The following HS3ST4 variants were observed in gnomAD, a reference collection of about 807,000 sequenced individuals.
The protein encoded by HS3ST4 is heparan sulfate glucosamine 3-O-sulfotransferase 4.
HS3ST4 carries 17 observed loss-of-function variants against 29.2 expected under a neutral mutation model. The ratio of observed to expected loss-of-function variants is 0.58; its 90% confidence interval spans 0.40 to 0.87. The LOEUF (loss-of-function observed/expected upper bound fraction) is 0.87. Among genes scored for constraint, HS3ST4 ranks in the 40% least tolerant of loss-of-function variants. The pLI, the probability that HS3ST4 is intolerant of heterozygous loss-of-function variation, is 0.00. For missense variants in HS3ST4, 627 were observed against 634.5 expected (o/e 0.99, Z 0.13); for synonymous variants, 314 against 285.7 (o/e 1.10, Z -1.00).
At chr16:25,903,367 A>ATATATATGTATATCT in intron 1 of HS3ST4, among the ~76,000 whole-genome samples, 1 of 59,318 alleles carries the variant, frequency 1.7e-5, no homozygotes, top group South Asian at 8.1e-4. Context: ...TGTATATCTT[A>ATATATATGTATATCT]TATATATATA....
intron 1 of HS3ST4, among the ~76,000 whole-genome samples, chr16:25,800,673 T>C (rs542636291): frequency 6.6e-6 from 1 of 152,274 alleles, no homozygotes; most frequent in South Asian, 2.1e-4. Flanking sequence ...GTTGTCTAAA[T>C]GGGTTCCTCT....
At chr16:25,716,773 G>T (rs1206390189) in intron 1 of HS3ST4, among the ~76,000 whole-genome samples, 1 of 152,200 alleles carries the variant, frequency 6.6e-6, no homozygotes, top group Non-Finnish European at 1.5e-5. Flanking sequence ...GGGGAATTAG[G>T]TCAGACGCGG....
chr16:26,068,564 C>T (rs1184326058), intron 1 of HS3ST4, among the ~76,000 whole-genome samples: 1 of 152,122 alleles, frequency 6.6e-6, no homozygotes, highest in Non-Finnish European at 1.5e-5. Flanking sequence ...TAATCACCTC[C>T]CTAAACTTCC....
At chr16:25,892,852 A>G (rs933025950) in intron 1 of HS3ST4, among the ~76,000 whole-genome samples, 1 of 152,218 alleles carries the variant, frequency 6.6e-6, no homozygotes. Context: ...AACCAGGGAT[A>G]TAGCAGTGAA....
At chr16:25,700,377 T>G (rs1966326767) in intron 1 of HS3ST4, among the ~76,000 whole-genome samples, 2 of 152,154 alleles carry the variant, frequency 1.3e-5, no homozygotes, top group Admixed American at 1.3e-4. Flanking sequence ...CTGTTTGCCT[T>G]TCGTGCTTCT....
chr16:25,759,876 C>A (rs1156552482), intron 1 of HS3ST4, among the ~76,000 whole-genome samples: 1 of 151,958 alleles, frequency 6.6e-6, no homozygotes, highest in South Asian at 2.1e-4. Flanking sequence ...GGTGACAAAG[C>A]AAGACCCTGT....
chr16:25,762,895 A>G (rs866537365), intron 1 of HS3ST4, among the ~76,000 whole-genome samples: 9 of 147,520 alleles, frequency 6.1e-5, no homozygotes, highest in African/African-American at 2.1e-4. Context: ...AAAAAAAAAA[A>G]AAAAGAAAAA....
At chr16:26,103,113 T>C (rs1245554677) in intron 1 of HS3ST4, among the ~76,000 whole-genome samples, 1 of 152,130 alleles carries the variant, frequency 6.6e-6, no homozygotes, top group African/African-American at 2.4e-5. Context: ...CTGGGAAATA[T>C]AGTCTATATG....
At chr16:25,763,906 G>A (rs1177566009) in intron 1 of HS3ST4, among the ~76,000 whole-genome samples, 2 of 152,178 alleles carry the variant, frequency 1.3e-5, no homozygotes, top group African/African-American at 4.8e-5. Flanking sequence ...GTTAGATGGG[G>A]ACAGGAAAGG....
chr16:25,986,673 C>T lies in HS3ST4; in HGVS notation c.735-148939C>T, dbSNP rs147391617. The stretch of plus-strand genomic sequence containing the variant: ...AGTCCTCATTCAAAAGCAAATTAGC[C>T]GAGGCCATTTGGCATTCTGTTACGG... On this transcript the variant is annotated intron_variant, in intron 1 of 1. Coordinates refer to ENST00000331351, the MANE Select transcript of HS3ST4 (RefSeq NM_006040.3). 3.2e-3 allele frequency among the ~76,000 whole-genome samples: 488 copies of T among 152,298 alleles called. 2 individuals are homozygous for T. The highest frequency in any genetic ancestry group is 0.01 in the African/African-American group (428 of 41,562).
In HS3ST4 at chr16:26,111,941, C is replaced by T. The variant is rs546245140; in HGVS notation, c.735-23671C>T. 4.0e-5 allele frequency among the ~76,000 whole-genome samples: 6 copies of T among 149,794 alleles called. No homozygotes were observed. In the East Asian group the frequency reaches 9.9e-4, roughly 25 times the overall value. ...CTGAGGCAGGAGAATCTCCTGAACC[C>T]GGGAGGCGGAGGTTGCAGCAAGCCA... On this transcript the variant is annotated intron_variant, in intron 1 of 1. Coordinates refer to ENST00000331351, the MANE Select transcript of HS3ST4 (RefSeq NM_006040.3).
intron 1 of HS3ST4, among the ~76,000 whole-genome samples, chr16:26,044,030 G>A (rs113721380): frequency 9.0e-4 from 137 of 152,316 alleles, no homozygotes; most frequent in African/African-American, 3.2e-3. Context: ...GAAGCACAGA[G>A]AAGTTTGACA....
Position 25,925,715 on chromosome 16 carries a change from G to A in HS3ST4, c.735-209897G>A, listed in dbSNP as rs145900155. On this transcript the variant is annotated intron_variant, in intron 1 of 1. Coordinates refer to ENST00000331351, the MANE Select transcript of HS3ST4 (RefSeq NM_006040.3). ...AACAGTAAGCTCGGATGTGTCTTTC[G>A]CAAAGCCAAAGCCCTCCATTAGCAC... 4.6e-3 allele frequency among the ~76,000 whole-genome samples: 693 copies of A among 152,230 alleles called. 3 individuals are homozygous for A. The highest frequency in any genetic ancestry group is 8.3e-3 in the Non-Finnish European group (565 of 68,000).
chr16:25,704,171 G>T (rs1488724692), intron 1 of HS3ST4, among the ~76,000 whole-genome samples: 1 of 152,218 alleles, frequency 6.6e-6, no homozygotes, highest in Non-Finnish European at 1.5e-5. Context: ...CTTCTGGAAA[G>T]AAAGAACCCT....
At chr16:26,020,022 G>A (rs955508273) in intron 1 of HS3ST4, among the ~76,000 whole-genome samples, 1 of 152,160 alleles carries the variant, frequency 6.6e-6, no homozygotes, top group Non-Finnish European at 1.5e-5. Flanking sequence ...CCAGATAACA[G>A]CTGTGTGGTT....
chr16:25,915,691 C>T (rs754198175), intron 1 of HS3ST4, among the ~76,000 whole-genome samples: 1 of 152,120 alleles, frequency 6.6e-6, no homozygotes, highest in Non-Finnish European at 1.5e-5. Context: ...CATAAAATGC[C>T]ACGTTAGGAA....
At chr16:25,834,572 A>G (rs1161221393) in intron 1 of HS3ST4, among the ~76,000 whole-genome samples, 1 of 152,252 alleles carries the variant, frequency 6.6e-6, no homozygotes, top group Non-Finnish European at 1.5e-5. Context: ...AGCCATTTAT[A>G]GTATAATTTA....
chr16:25,800,080 TCCTTCCTTCCTGCCTTCCTTCCTTCCTG>T (rs1377486499), intron 1 of HS3ST4, among the ~76,000 whole-genome samples: 1 of 147,540 alleles, frequency 6.8e-6, no homozygotes, highest in Non-Finnish European at 1.5e-5. Flanking sequence ...CTTCCTTCCT[TCCTTCCTTCCTGCCTTCCTTCCTTCCTG>T]CCTTCCTGCC....
chr16:26,083,320 A>T (rs4476178), intron 1 of HS3ST4, among the ~76,000 whole-genome samples: 73,773 of 152,082 alleles, frequency 0.49, 18,102 homozygotes, highest in Middle Eastern at 0.56. Context: ...TACTAAATCG[A>T]GTGAGCTGCA....
Sources: allele counts gnomAD v4.1 joint callset (sites outside exome capture counted in the v4.1 genomes callset), GRCh38; gene constraint gnomAD v4.1.1; transcripts MANE v1.5; gene names NCBI Gene and HGNC (gene_info 2026-07-23, HGNC 2026-07-21).